ASB3: variants seen among roughly 807,000 people sequenced by gnomAD.
ASB3 encodes the protein ankyrin repeat and SOCS box containing 3.
Under a neutral mutation model 54.5 loss-of-function variants are expected in ASB3, and 41 were observed. The ratio of observed to expected loss-of-function variants is 0.75; its 90% CI spans 0.59 to 0.98. The LOEUF (loss-of-function observed/expected upper bound fraction) is 0.98, where lower values mean the gene tolerates loss of function less well. Among genes scored for constraint, ASB3 ranks in the 50% least tolerant of loss-of-function variants. ASB3 has a pLI of 0.00. For synonymous variants in ASB3, 266 were observed against 221.2 expected (o/e 1.20, Z -1.80); for missense variants, 733 against 620.0 (o/e 1.18, Z -1.94).
intron 1 of ASB3, among the ~76,000 whole-genome samples, chr2:53,776,874 A>AT (rs1674369020): frequency 6.6e-6 from 1 of 152,126 alleles, no homozygotes; most frequent in South Asian, 2.1e-4. Flanking sequence ...AGACTCAAAG[A>AT]TTTTGTAATC....
chr2:53,774,384 T>C (rs981888911), intron 1 of ASB3: 1 of 1,613,458 alleles, frequency 6.2e-7, no homozygotes, highest in African/African-American at 1.3e-5. Flanking sequence ...CTGGTCCAAG[T>C]GGAAGAAATA....
At position 53,767,966 on chromosome 2, in the gene ASB3, A is replaced by G. The variant is rs772819706; in HGVS notation, c.-13-2381T>C. ...GACAAGCTGGTCGGATACATCACCA[A>G]CTACAGCAGGCGCTTCTGGCAGGGC... On this transcript the variant is annotated intron_variant, in intron 1 of 9. Transcript: ENST00000263634. 2.0e-5 allele frequency: 32 copies of G among 1,614,006 alleles called. No individual in the cohort carries two copies. In the South Asian group the frequency reaches 2.3e-4, roughly 12 times the overall value.
At chr2:53,694,884 C>T (rs3770405) in intron 8 of ASB3, among the ~76,000 whole-genome samples, 78,550 of 151,864 alleles carry the variant, frequency 0.52, 20,566 homozygotes, top group East Asian at 0.64. Context: ...AAGTATTATA[C>T]GAAAAATTGG....
intron 9 of ASB3, among the ~76,000 whole-genome samples, chr2:53,688,842 G>A (rs571917047): frequency 1.3e-5 from 2 of 152,094 alleles, no homozygotes; most frequent in South Asian, 2.1e-4. Context: ...TAGAAGATGC[G>A]TTGATGGGTG....
At chr2:53,769,911 A>C (rs1673776725) in intron 1 of ASB3, among the ~76,000 whole-genome samples, 2 of 152,192 alleles carry the variant, frequency 1.3e-5, no homozygotes, top group Non-Finnish European at 2.9e-5. Flanking sequence ...TGCACTTAAT[A>C]CCATACATCT....
intron 2 of ASB3, among the ~76,000 whole-genome samples, chr2:53,758,861 C>T (rs1301345557): frequency 1.3e-5 from 2 of 152,158 alleles, no homozygotes; most frequent in Admixed American, 6.5e-5. Flanking sequence ...AAAAACGCCC[C>T]TAAGATATAT....
At position 53,670,648 on chromosome 2, in the gene ASB3, C is replaced by T. The variant is rs767347896; in HGVS notation, c.1412G>A (p.Arg471Gln). ...TAGACGTTCTGATTTTAGACTGGACCGAATTTCCAAACGACAAAGATGGGT... is the reference window on the plus strand; with the variant it reads ...TAGACGTTCTGATTTTAGACTGGACTGAATTTCCAAACGACAAAGATGGGT... ...SLTHLCRLEIRSSLKSERLRS... is the reference protein window; with the variant it reads ...SLTHLCRLEIQSSLKSERLRS... Residue 471 changes from arginine to glutamine, a missense_variant, in exon 10 of 10, where the codon CGG becomes CAG. Transcript: ENST00000263634. The T allele has an allele frequency of 7.4e-6, 12 of 1,613,588 alleles. No homozygotes were observed. Among genetic ancestry groups the T allele is most frequent in the Non-Finnish European group, 7.6e-6 (9 of 1,179,926 alleles).
In ASB3 at chr2:53,670,423, A is replaced by G. The variant is rs1487666091; in HGVS notation, c.*80T>C. The G allele has an allele frequency of 1.4e-6, 2 of 1,466,714 alleles. No homozygotes were observed. Among genetic ancestry groups the G allele is most frequent in the East Asian group, 5.0e-5 (2 of 40,372 alleles). The allele number at this position is 1,466,714 out of a possible 1,614,324, so 90.9% of individuals were successfully genotyped here. On this transcript the variant is annotated 3_prime_UTR_variant, in exon 10 of 10. Transcript: ENST00000263634. ...AATCATCTTTTGACTATAAAATCAT[A>G]AAAACTTGTACTCTGTGGCTCTTTT...
intron 2 of ASB3, among the ~76,000 whole-genome samples, chr2:53,754,638 G>A (rs1009909403): frequency 6.6e-6 from 1 of 152,080 alleles, no homozygotes; most frequent in Admixed American, 6.6e-5. Flanking sequence ...GTTATACTTC[G>A]GGCCAATTAC....
intron 3 of ASB3, among the ~76,000 whole-genome samples, chr2:53,745,163 T>G (rs78101647): frequency 0.026 from 4,017 of 152,304 alleles, 76 homozygotes; most frequent in South Asian, 0.047. Flanking sequence ...AAGAATATCT[T>G]TATTTCCAAA....
At chr2:53,730,054 T>A (rs1288390656) in intron 3 of ASB3, among the ~76,000 whole-genome samples, 3 of 152,236 alleles carry the variant, frequency 2.0e-5, no homozygotes, top group Non-Finnish European at 1.5e-5. Flanking sequence ...ATTGTCAAAA[T>A]GTTCTTATAT....
At chr2:53,715,177 G>A (rs913185263) in intron 6 of ASB3, among the ~76,000 whole-genome samples, 6 of 151,992 alleles carry the variant, frequency 3.9e-5, no homozygotes, top group African/African-American at 1.4e-4. Flanking sequence ...CTGGCTCCTA[G>A]GTAGAGAAAG....
intron 3 of ASB3, among the ~76,000 whole-genome samples, chr2:53,738,828 C>A (rs1304772656): frequency 1.3e-5 from 2 of 151,982 alleles, no homozygotes; most frequent in African/African-American, 4.8e-5. Context: ...CCAATAGGGA[C>A]CAGAGACCAA....
At chr2:53,695,945 C>G (rs1011270963) in intron 8 of ASB3, among the ~76,000 whole-genome samples, 2 of 152,104 alleles carry the variant, frequency 1.3e-5, no homozygotes, top group Admixed American at 1.3e-4. Context: ...AACAGACCTA[C>G]ATGTGATATA....
chr2:53,693,944 C>T lies in ASB3; in HGVS notation c.1309G>A (p.Ala437Thr). The T allele has an allele frequency of 1.9e-6, 3 of 1,613,624 alleles. No individual in the cohort carries two copies. The highest frequency in any genetic ancestry group is 2.5e-6 in the Non-Finnish European group (3 of 1,179,646). ...EFTNWKTLAP[A>T]VERMLSARAS... ...CGAGCAGAGAGCATCCTTTCAACAGCTGGTGCAAGTGTCTTCCAATTAGTA... is the reference window on the plus strand; with the variant it reads ...CGAGCAGAGAGCATCCTTTCAACAGTTGGTGCAAGTGTCTTCCAATTAGTA... The change falls in exon 9 of 10, where the codon GCT becomes ACT. Residue 437 changes from alanine to threonine, a missense_variant. Coordinates refer to ENST00000263634, the MANE Select transcript of ASB3 (RefSeq NM_016115.5).
chr2:53,727,093 T>G (rs1225709055), intron 5 of ASB3, among the ~76,000 whole-genome samples: 2 of 152,224 alleles, frequency 1.3e-5, no homozygotes, highest in Non-Finnish European at 2.9e-5. Flanking sequence ...GTCCAAGCCC[T>G]GATTCTGCCA....
At chr2:53,734,095 C>A (rs1558547733) in intron 3 of ASB3, among the ~76,000 whole-genome samples, 1 of 152,206 alleles carries the variant, frequency 6.6e-6, no homozygotes, top group Non-Finnish European at 1.5e-5. Context: ...TGCCCTCATT[C>A]CGGTAAACCC....
intron 5 of ASB3, 77 bp downstream of exon 5, chr2:53,728,635 G>A: frequency 7.3e-7 from 1 of 1,369,364 alleles, no homozygotes; most frequent in Non-Finnish European, 9.5e-7. Flanking sequence ...TTATATTTGA[G>A]ACAAGAATTA....
intron 1 of ASB3, among the ~76,000 whole-genome samples, chr2:53,779,953 T>C (rs1300551880): frequency 1.3e-5 from 2 of 152,334 alleles, no homozygotes; most frequent in Non-Finnish European, 2.9e-5. Flanking sequence ...CCTGAAGGCT[T>C]TTTGTGATAA....
Sources: gnomAD v4.1 joint callset for allele counts (sites outside exome capture counted in the v4.1 genomes callset) on GRCh38, gnomAD v4.1.1 for gene constraint, MANE v1.5 for transcripts, NCBI Gene and HGNC (gene_info 2026-07-23, HGNC 2026-07-21) for gene names.